Variants in ZNF138 observed in about 807,000 individuals in gnomAD.
ZNF138 encodes zinc finger protein 138 (clone pHZ-32).
In ZNF138, 33 loss-of-function variants were observed where a neutral mutation model predicts 33.0. That is an observed-to-expected ratio of 1.00 (90% CI 0.76 to 1.34). The LOEUF (loss-of-function observed/expected upper bound fraction) is 1.34. ZNF138 is among the 40% of genes most tolerant of loss of function. The pLI, the probability that ZNF138 is intolerant of heterozygous loss-of-function variation, is 0.00. For synonymous variants in ZNF138, 139 were observed against 120.4 expected, an observed-to-expected ratio of 1.15 and a Z score of -1.01; for missense variants, 360 against 370.8, an observed-to-expected ratio of 0.97 and a Z score of 0.24.
chr7:64,807,254 T>G lies in ZNF138; in HGVS notation c.4-7664T>G, dbSNP rs577476888. 5.3e-5 allele frequency among the ~76,000 whole-genome samples: 8 copies of G among 152,312 alleles called. No individual in the cohort carries two copies. In the East Asian group the frequency reaches 1.5e-3, roughly 29 times the overall value. ...ATTTCCCACTTCATGCCTCTATATT[T>G]CTGTGCATGTGTCTTTAATTCCTCT... On this transcript the variant is annotated intron_variant, in intron 1 of 3. Coordinates refer to ENST00000307355, the MANE Select transcript of ZNF138 (RefSeq NM_001271639.2).
At chr7:64,830,003 G>T (rs1344472589) in intron 3 of ZNF138, among the ~76,000 whole-genome samples, 1 of 152,096 alleles carries the variant, frequency 6.6e-6, no homozygotes, top group Non-Finnish European at 1.5e-5. Flanking sequence ...TATTTTGGAA[G>T]GTCTTTTTAT....
chr7:64,838,972 T>C, the ZNF138 span, among the ~76,000 whole-genome samples: 149,934 of 152,156 alleles, frequency 0.99, 73,913 homozygotes, highest in East Asian at 1. Context: ...ATGGGGGCCG[T>C]GGACAAGATT....
chr7:64,843,983 C>T, the ZNF138 span, among the ~76,000 whole-genome samples: 1 of 152,078 alleles, frequency 6.6e-6, no homozygotes, highest in Non-Finnish European at 1.5e-5. Flanking sequence ...GCCACCATGC[C>T]CAGCTAATTT....
the ZNF138 span, among the ~76,000 whole-genome samples, chr7:64,840,892 A>G: frequency 1.3e-5 from 2 of 152,114 alleles, no homozygotes; most frequent in Non-Finnish European, 2.9e-5. Context: ...GTCTGTACCT[A>G]TTTTCAGAAG....
chr7:64,833,103 G>T lies in ZNF138; in HGVS notation c.*901G>T. The T allele has an allele frequency of 3.6e-6, 1 of 281,428 alleles. No homozygotes were observed. The highest frequency in any genetic ancestry group is 3.7e-5 in the South Asian group (1 of 27,070). The allele number at this position is 281,428 out of a possible 1,614,324, so 17.4% of individuals were successfully genotyped here. A position where few individuals can be genotyped will look rare whatever the true frequency, so the allele number is the denominator to read the frequency against. On this transcript the variant is annotated 3_prime_UTR_variant, in exon 4 of 4. Transcript: ENST00000307355. ...AAAACCTTGGAAATTCAAAGAATGT[G>T]GTAAAACTTACAATCCTCAAAACTT...
Position 64,812,369 on chromosome 7 carries a change from A to T in ZNF138, c.4-2549A>T, listed in dbSNP as rs1788248294. 1.3e-5 allele frequency among the ~76,000 whole-genome samples: 2 copies of T among 152,186 alleles called. 1 individual carries two copies. Among genetic ancestry groups the T allele is most frequent in the Middle Eastern group, 6.8e-3 (2 of 294 alleles). The stretch of plus-strand genomic sequence containing the variant: ...TAGAGAAGGTTTCGCCATGTTGGCC[A>T]GGATGGTCTTGAAATCCTGGCCTCA... On this transcript the variant is annotated intron_variant, in intron 1 of 3. Coordinates refer to ENST00000307355, the MANE Select transcript of ZNF138 (RefSeq NM_001271639.2).
intron 3 of ZNF138, among the ~76,000 whole-genome samples, chr7:64,819,094 A>G (rs562643515): frequency 5.3e-5 from 8 of 152,244 alleles, no homozygotes; most frequent in Non-Finnish European, 7.4e-5. Flanking sequence ...AATTGTTTGT[A>G]CACTTTAAGT....
At position 64,832,292 on chromosome 7, in the gene ZNF138, T is replaced by C; in HGVS notation, c.*90T>C. On this transcript the variant is annotated 3_prime_UTR_variant, in exon 4 of 4. Transcript: ENST00000307355. Reference sequence around the variant, plus strand: ...AAGCCTTTAACCAGTTTTCAACCCTTATTACACATAAGATAATTCATAGCG... The same window carrying C: ...AAGCCTTTAACCAGTTTTCAACCCTCATTACACATAAGATAATTCATAGCG... 1 of 1,588,896 alleles carries C rather than the reference T, an allele frequency of 6.3e-7. No individual in the cohort carries two copies. Among genetic ancestry groups the C allele is most frequent in the South Asian group, 1.1e-5 (1 of 87,370 alleles).
chr7:64,818,866 C>T (rs1461966609), intron 3 of ZNF138, among the ~76,000 whole-genome samples: 2 of 152,150 alleles, frequency 1.3e-5, no homozygotes, highest in Non-Finnish European at 2.9e-5. Context: ...ATTCAAAATA[C>T]CTGCCTTCCA....
intron 3 of ZNF138, among the ~76,000 whole-genome samples, chr7:64,817,644 T>A (rs1788769322): frequency 6.6e-6 from 1 of 152,214 alleles, no homozygotes; most frequent in Admixed American, 6.5e-5. Flanking sequence ...TGCCTCGCTC[T>A]CTGATAAAGG....
rs148742442 is a variant in ZNF138 at position 64,805,800 on chromosome 7, C to G, written c.4-9118C>G. ...CACCTGGCTTCAAGTTGCAAAATTA[C>G]CTCTTGTCATGAAGATGTGAAAAGT... On this transcript the variant is annotated intron_variant, in intron 1 of 3. Transcript: ENST00000307355. Among the ~76,000 whole-genome samples the G allele has an allele frequency of 1.8e-3, 272 of 152,326 alleles. 1 individual carries two copies. The highest frequency in any genetic ancestry group is 6.2e-3 in the African/African-American group (258 of 41,566).
At chr7:64,814,581 A>G (rs941713008) in intron 1 of ZNF138, among the ~76,000 whole-genome samples, 1 of 152,174 alleles carries the variant, frequency 6.6e-6, no homozygotes, top group Non-Finnish European at 1.5e-5. Flanking sequence ...CCTGGCCAAC[A>G]TAGTGAAGCC....
intron 3 of ZNF138, among the ~76,000 whole-genome samples, chr7:64,820,868 A>G (rs1429937158): frequency 6.6e-6 from 1 of 151,526 alleles, no homozygotes; most frequent in African/African-American, 2.4e-5. Flanking sequence ...CCAGCCCATA[A>G]TTTTATTTAT....
chr7:64,803,515 T>C (rs778209455), intron 1 of ZNF138, among the ~76,000 whole-genome samples: 7 of 152,194 alleles, frequency 4.6e-5, no homozygotes, highest in Non-Finnish European at 1.0e-4. Context: ...AACTGAACAG[T>C]GGAGTCTGTG....
At chr7:64,812,408 C>G (rs1562901168) in intron 1 of ZNF138, among the ~76,000 whole-genome samples, 1 of 152,222 alleles carries the variant, frequency 6.6e-6, no homozygotes, top group Non-Finnish European at 1.5e-5. Context: ...AATCCAGCAG[C>G]CTCTGCCTCC....
At position 64,831,897 on chromosome 7, in the gene ZNF138, G is replaced by A; in HGVS notation, c.655G>A (p.Gly219Arg). 6.2e-7 allele frequency: 1 copy of A among 1,613,766 alleles called. No individual in the cohort carries two copies. Among genetic ancestry groups the A allele is most frequent in the Non-Finnish European group, 8.5e-7 (1 of 1,179,874 alleles). The stretch of plus-strand genomic sequence containing the variant: ...TTCTAAACCTAAGAAAATTCATACT[G>A]GAGAAAAACCCTACAAATGTGAAGT... ...NLSKPKKIHT[G>R]EKPYKCEVCG... The change falls in exon 4 of 4, where the codon GGA becomes AGA. Residue 219 changes from glycine to arginine, a missense_variant. Coordinates refer to ENST00000307355, the MANE Select transcript of ZNF138 (RefSeq NM_001271639.2).
At chr7:64,795,980 C>T (rs569688052) in intron 1 of ZNF138, among the ~76,000 whole-genome samples, 3 of 152,092 alleles carry the variant, frequency 2.0e-5, no homozygotes, top group Non-Finnish European at 4.4e-5. Context: ...CAGGTGAATG[C>T]CCTGGGGCTG....
intron 3 of ZNF138, among the ~76,000 whole-genome samples, chr7:64,827,013 A>G (rs146032127): frequency 5.5e-4 from 84 of 152,132 alleles, no homozygotes; most frequent in Non-Finnish European, 1.1e-3. Context: ...TATAGTAAAG[A>G]ATATGTGTCT....
the ZNF138 span, among the ~76,000 whole-genome samples, chr7:64,844,209 A>C: frequency 6.6e-6 from 1 of 152,238 alleles, no homozygotes; most frequent in Non-Finnish European, 1.5e-5. Flanking sequence ...AGCTGGGACC[A>C]CAGGCCCAAG....
Sources: gnomAD v4.1 joint callset for allele counts (sites outside exome capture counted in the v4.1 genomes callset) on GRCh38, gnomAD v4.1.1 for gene constraint, MANE v1.5 for transcripts, NCBI Gene and HGNC (gene_info 2026-07-23, HGNC 2026-07-21) for gene names.